ANKFY1: variants seen among roughly 807,000 people sequenced by gnomAD.
ANKFY1 encodes the protein ankyrin repeat and FYVE domain-containing protein 1.
Under a neutral mutation model 128.3 loss-of-function variants are expected in ANKFY1, and 47 were observed. The ratio of observed to expected loss-of-function variants is 0.37; its 90% CI spans 0.29 to 0.47. The LOEUF (loss-of-function observed/expected upper bound fraction) is 0.47, where lower values mean the gene tolerates loss of function less well. Ranked by LOEUF, ANKFY1 falls within the 20% of genes least tolerant of loss-of-function variation. The pLI is 1.00. For synonymous variants in ANKFY1, 553 were observed against 601.6 expected (o/e 0.92, Z 1.18); for missense variants, 1,222 against 1,510.6 (o/e 0.81, Z 3.17).
At chr17:4,235,280 T>C (rs773601691) in intron 3 of ANKFY1, among the ~76,000 whole-genome samples, 4 of 146,544 alleles carry the variant, frequency 2.7e-5, no homozygotes, top group Non-Finnish European at 4.5e-5. Flanking sequence ...GAGGTGGAGG[T>C]TGCAGAGAGC....
intron 19 of ANKFY1, among the ~76,000 whole-genome samples, chr17:4,174,367 C>T (rs532480833): frequency 5.2e-4 from 79 of 152,104 alleles, no homozygotes; most frequent in Non-Finnish European, 9.4e-4. Flanking sequence ...GTACTATCTA[C>T]GGGTGTCTAC....
rs964758890 is a variant in ANKFY1 at position 4,165,578 on chromosome 17, G to A, written c.*2201C>T. ...GGGGCTTCCTAAGTCTGTGGAAAGAGGCTTTTCCTATATCCACATGGATGC... is the reference window on the plus strand; with the variant it reads ...GGGGCTTCCTAAGTCTGTGGAAAGAAGCTTTTCCTATATCCACATGGATGC... On this transcript the variant is annotated 3_prime_UTR_variant, in exon 25 of 25. Coordinates refer to ENST00000341657, the MANE Select transcript of ANKFY1 (RefSeq NM_001330063.2). 2 of 152,176 alleles carry A rather than the reference G, an allele frequency of 1.3e-5. No homozygotes were observed. Among genetic ancestry groups the A allele is most frequent in the Admixed American group, 1.3e-4 (2 of 15,274 alleles). 9.4% of individuals were successfully genotyped at this position (152,176 alleles called of 1,614,324 possible).
At chr17:4,170,196 C>T (rs1284870879) in intron 23 of ANKFY1, among the ~76,000 whole-genome samples, 1 of 152,220 alleles carries the variant, frequency 6.6e-6, no homozygotes, top group Admixed American at 6.5e-5. Context: ...GCCTGTCTCT[C>T]CCCACTGTGG....
At chr17:4,260,826 G>A (rs1226871221) in intron 1 of ANKFY1, among the ~76,000 whole-genome samples, 2 of 152,144 alleles carry the variant, frequency 1.3e-5, no homozygotes, top group African/African-American at 2.4e-5. Flanking sequence ...AGTCTCTCAC[G>A]ATCCTATTTA....
At chr17:4,220,323 C>CA (rs973691605) in intron 3 of ANKFY1, among the ~76,000 whole-genome samples, 10 of 151,730 alleles carry the variant, frequency 6.6e-5, no homozygotes, top group African/African-American at 1.7e-4. Flanking sequence ...TAATGAACAA[C>CA]AAAAAAAATG....
rs2059424739 is a variant in ANKFY1 at position 4,177,189 on chromosome 17, G to C, written c.2712C>G (p.Ala904=). ...CGAGGTGCAGGGGGGTCAACTTGGA[G>C]GCATCCTGGACTCTTGAATTCACAT... ...HANVNSRVQD[A]SKLTPLHLAV... The change falls in exon 19 of 25, where the codon GCC becomes GCG. Residue 904 remains alanine (A), a synonymous_variant. Transcript: ENST00000341657. The C allele has an allele frequency of 6.2e-7, 1 of 1,608,340 alleles. No individual in the cohort carries two copies. The highest frequency in any genetic ancestry group is 1.3e-5 in the African/African-American group (1 of 74,818).
chr17:4,212,792 G>T (rs1423967016), intron 4 of ANKFY1, among the ~76,000 whole-genome samples: 4 of 135,160 alleles, frequency 3.0e-5, no homozygotes, highest in African/African-American at 8.1e-5. Context: ...TTTTTTTTGA[G>T]ACGGAGTCTA....
intron 3 of ANKFY1, chr17:4,223,451 C>T (rs1598104895): frequency 8.1e-7 from 1 of 1,236,768 alleles, no homozygotes. Flanking sequence ...TGATGACACA[C>T]TTCAAGTTAA....
Position 4,185,004 on chromosome 17 carries a change from T to TGGCCA in ANKFY1, c.1508_1512dup (p.Asn505TrpfsTer32), listed in dbSNP as rs2059585639. ...TGCTGCAGGAGCTCTGCCGTGAGGTTGGCCAGGCCATGCCGACACGCTGTG... is the reference window on the plus strand; with the variant it reads ...TGCTGCAGGAGCTCTGCCGTGAGGTTGGCCAGGCCAGGCCATGCCGACACGCTGTG... On this transcript the variant is annotated frameshift_variant, in exon 12 of 25. Transcript: ENST00000341657. LOFTEE classifies it high-confidence loss of function. 2 of 1,613,804 alleles carry TGGCCA rather than the reference T, an allele frequency of 1.2e-6. No homozygotes were observed. The highest frequency in any genetic ancestry group is 1.7e-6 in the Non-Finnish European group (2 of 1,180,028).
chr17:4,231,859 G>T (rs1029447004), intron 3 of ANKFY1, among the ~76,000 whole-genome samples: 1 of 151,570 alleles, frequency 6.6e-6, no homozygotes, highest in East Asian at 1.9e-4. Context: ...ATCACCTGAG[G>T]CCAGGAGGTC....
At chr17:4,257,723 C>A (rs1030739706) in intron 1 of ANKFY1, among the ~76,000 whole-genome samples, 1 of 152,190 alleles carries the variant, frequency 6.6e-6, no homozygotes, top group African/African-American at 2.4e-5. Context: ...TTTTATCTCC[C>A]CTCCTAGACT....
At chr17:4,253,937 A>G (rs1002264485) in intron 1 of ANKFY1, among the ~76,000 whole-genome samples, 1 of 152,190 alleles carries the variant, frequency 6.6e-6, no homozygotes, top group Non-Finnish European at 1.5e-5. Flanking sequence ...ATATGACAAC[A>G]ACAACAACAA....
rs193115902 is a variant in ANKFY1, at chr17:4,218,036, G to A, written c.323-918C>T. ...ACCTTACAAATAAAAATAAAAAGACGGATACCCAATGGAAAAATGGGCAAT... is the reference window on the plus strand; with the variant it reads ...ACCTTACAAATAAAAATAAAAAGACAGATACCCAATGGAAAAATGGGCAAT... On this transcript the variant is annotated intron_variant, in intron 3 of 24. Coordinates refer to ENST00000341657, the MANE Select transcript of ANKFY1 (RefSeq NM_001330063.2). Among the ~76,000 whole-genome samples the A allele has an allele frequency of 7.2e-5, 11 of 152,172 alleles. No homozygotes were observed. In the East Asian group the frequency reaches 1.3e-3, roughly 19 times the overall value.
At chr17:4,217,734 G>C (rs760339976) in intron 3 of ANKFY1, among the ~76,000 whole-genome samples, 1 of 152,062 alleles carries the variant, frequency 6.6e-6, no homozygotes, top group Non-Finnish European at 1.5e-5. Flanking sequence ...ACCCAGGCTG[G>C]AATGCAGTGG....
At chr17:4,221,197 T>C (rs1035459190) in intron 3 of ANKFY1, among the ~76,000 whole-genome samples, 1 of 152,242 alleles carries the variant, frequency 6.6e-6, no homozygotes, top group African/African-American at 2.4e-5. Flanking sequence ...TGAAACATAC[T>C]GAGTAAACTG....
rs185201615 is a variant in ANKFY1 at position 4,248,856 on chromosome 17, T to C, written c.11-6408A>G. Among the ~76,000 whole-genome samples the C allele has an allele frequency of 1.4e-3, 207 of 152,286 alleles. 1 individual carries two copies. The highest frequency in any genetic ancestry group is 4.7e-3 in the African/African-American group (194 of 41,570). ...TTCACCAAAAAAGCTACGCTAAGTA[T>C]CAGTGAAGAATGCCAGAAACTTCCA... On this transcript the variant is annotated intron_variant, in intron 1 of 24. Transcript: ENST00000341657.
At chr17:4,198,141 AAAG>A (rs914479050) in intron 7 of ANKFY1, among the ~76,000 whole-genome samples, 3 of 151,812 alleles carry the variant, frequency 2.0e-5, no homozygotes, top group Admixed American at 1.3e-4. Flanking sequence ...AAAAAAAAAA[AAAG>A]AACACTAGGC....
rs1380432419 is a variant in ANKFY1 at position 4,165,262 on chromosome 17, A to G, written c.*2517T>C. On this transcript the variant is annotated 3_prime_UTR_variant, in exon 25 of 25. Transcript: ENST00000341657. ...AAGGGCAGTTGAGAGCACATTCAGCATAACAATGTTGACTGTTGCAGCAAA... is the reference window on the plus strand; with the variant it reads ...AAGGGCAGTTGAGAGCACATTCAGCGTAACAATGTTGACTGTTGCAGCAAA... 1.3e-5 allele frequency: 2 copies of G among 152,254 alleles called. No homozygotes were observed. Among genetic ancestry groups the G allele is most frequent in the South Asian group, 2.1e-4 (1 of 4,834 alleles). 9.4% of individuals were successfully genotyped at this position (152,254 alleles called of 1,614,324 possible).
At chr17:4,211,149 A>C (rs1323402666) in intron 4 of ANKFY1, among the ~76,000 whole-genome samples, 1 of 152,160 alleles carries the variant, frequency 6.6e-6, no homozygotes, top group East Asian at 1.9e-4. Flanking sequence ...CACACCTATA[A>C]TCCTAGCTCT....
Sources: allele counts gnomAD v4.1 joint callset (sites outside exome capture counted in the v4.1 genomes callset), GRCh38; gene constraint gnomAD v4.1.1; transcripts MANE v1.5; gene names NCBI Gene and HGNC (gene_info 2026-07-23, HGNC 2026-07-21).